The following ITGAM variants were observed in gnomAD, a reference collection of about 807,000 sequenced individuals.
ITGAM encodes the protein integrin subunit alpha M.
ITGAM carries 79 observed loss-of-function variants against 137.5 expected under a neutral mutation model. That is an observed-to-expected ratio of 0.57 (90% CI 0.48 to 0.69). The LOEUF (loss-of-function observed/expected upper bound fraction) is 0.69, where lower values mean the gene tolerates loss of function less well. ITGAM is among the 30% of genes least tolerant of loss of function. The pLI is 0.00. For missense variants in ITGAM, 1,343 were observed against 1,483.5 expected (o/e 0.91, Z 1.56); for synonymous variants, 583 against 592.3 (o/e 0.98, Z 0.23).
At chr16:31,261,667 G>A (rs1363909434) in intron 1 of ITGAM, 25 bp from the exon 2 acceptor site, 1 of 1,510,886 alleles carries the variant, frequency 6.6e-7, no homozygotes, top group Non-Finnish European at 9.1e-7. Context: ...TCCTCTGCTT[G>A]ATCCTTCCCC....
At chr16:31,286,126 C>T (rs1276790809) in intron 12 of ITGAM, among the ~76,000 whole-genome samples, 1 of 152,106 alleles carries the variant, frequency 6.6e-6, no homozygotes, top group Non-Finnish European at 1.5e-5. Context: ...TGTGCCAATT[C>T]ACTTAGGATT....
intron 14 of ITGAM, among the ~76,000 whole-genome samples, chr16:31,298,446 T>A (rs1256101205): frequency 6.6e-6 from 1 of 152,150 alleles, no homozygotes; most frequent in Non-Finnish European, 1.5e-5. Context: ...AGTTCCAGAT[T>A]GATTATTTCT....
At chr16:31,294,083 G>A (rs921099288) in intron 12 of ITGAM, among the ~76,000 whole-genome samples, 21 of 152,080 alleles carry the variant, frequency 1.4e-4, no homozygotes, top group African/African-American at 2.9e-4. Context: ...CATTGATTTC[G>A]TATCCTGAAA....
At chr16:31,323,188 T>C (rs1334310906) in intron 16 of ITGAM, among the ~76,000 whole-genome samples, 1 of 151,994 alleles carries the variant, frequency 6.6e-6, no homozygotes, top group Admixed American at 6.6e-5. Flanking sequence ...TCCCAGCACT[T>C]TGGGAGGCCG....
intron 14 of ITGAM, among the ~76,000 whole-genome samples, chr16:31,298,526 T>C (rs968427723): frequency 6.6e-6 from 1 of 152,254 alleles, no homozygotes; most frequent in Non-Finnish European, 1.5e-5. Context: ...GGCCCAGCGA[T>C]GGCAAATGGC....
At chr16:31,262,956 TA>T (rs2079721925) in intron 2 of ITGAM, among the ~76,000 whole-genome samples, 1 of 152,202 alleles carries the variant, frequency 6.6e-6, no homozygotes, top group Non-Finnish European at 1.5e-5. Flanking sequence ...TATTTTATTT[TA>T]TTTTTTTAGA....
chr16:31,331,263 C>G lies in ITGAM; in HGVS notation c.3375C>G (p.Ala1125=). ...GGLLLLALIT[A]ALYKLGFFKR... ...TGCTGCTCCTGGCCCTCATCACCGC[C>G]GCGCTGTACAAGGTGCTCCCCGCTG... The change falls in exon 29 of 30, where the codon GCC becomes GCG. Residue 1125 remains alanine, a synonymous_variant. Coordinates refer to ENST00000544665, the MANE Select transcript of ITGAM (RefSeq NM_000632.4). 2.5e-6 allele frequency: 4 copies of G among 1,609,084 alleles called. No homozygotes were observed. The highest frequency in any genetic ancestry group is 3.4e-6 in the Non-Finnish European group (4 of 1,176,472).
intron 12 of ITGAM, among the ~76,000 whole-genome samples, chr16:31,294,274 A>G (rs2080112430): frequency 6.6e-6 from 1 of 152,000 alleles, no homozygotes; most frequent in South Asian, 2.1e-4. Context: ...TTCCAATAAT[A>G]TGTTGAATAG....
intron 23 of ITGAM, chr16:31,328,859 G>T (rs2080542391): frequency 5.1e-5 from 19 of 372,150 alleles, no homozygotes; most frequent in South Asian, 3.1e-4. Context: ...TGTGTGTGAG[G>T]GTCTATGTGC....
At chr16:31,296,231 A>G (rs1015571903) in intron 12 of ITGAM, among the ~76,000 whole-genome samples, 2 of 149,164 alleles carry the variant, frequency 1.3e-5, no homozygotes, top group African/African-American at 4.9e-5. Flanking sequence ...CAGCCTCTTG[A>G]GTAGCTGGGA....
intron 12 of ITGAM, among the ~76,000 whole-genome samples, chr16:31,285,442 G>A (rs1213694365): frequency 6.6e-6 from 1 of 151,968 alleles, no homozygotes; most frequent in Non-Finnish European, 1.5e-5. Flanking sequence ...TGGCCGATAT[G>A]GTGAAACTCT....
At chr16:31,284,361 G>T (rs1036951697) in intron 12 of ITGAM, among the ~76,000 whole-genome samples, 3 of 152,188 alleles carry the variant, frequency 2.0e-5, no homozygotes, top group African/African-American at 4.8e-5. Flanking sequence ...TCCTTGAGCT[G>T]CAGTGGGCTC....
At chr16:31,328,287 T>G in intron 23 of ITGAM, 57 bp downstream of exon 23, 2 of 1,232,254 alleles carry the variant, frequency 1.6e-6, no homozygotes, top group Non-Finnish European at 2.4e-6. Flanking sequence ...CATGGCTGAT[T>G]GTGCATCTGT....
chr16:31,301,180 T>G (rs62051472), intron 14 of ITGAM, among the ~76,000 whole-genome samples: 22,359 of 152,170 alleles, frequency 0.15, 1,843 homozygotes, highest in African/African-American at 0.2. Flanking sequence ...GCTTCTCCCC[T>G]GAGTTTTATT....
chr16:31,327,069 C>G (rs2080515892), intron 22 of ITGAM, 134 bp downstream of exon 22: 3 of 756,502 alleles, frequency 4.0e-6, no homozygotes, highest in Non-Finnish European at 7.2e-6. Flanking sequence ...CACTCACTGA[C>G]CACCCACCAC....
At chr16:31,279,399 G>A (rs2079944091) in intron 12 of ITGAM, among the ~76,000 whole-genome samples, 1 of 152,184 alleles carries the variant, frequency 6.6e-6, no homozygotes, top group African/African-American at 2.4e-5. Flanking sequence ...TCCAGCACGT[G>A]TTGTTTCCTG....
Position 31,331,626 on chromosome 16 carries a change from T to C in ITGAM, c.3388-10T>C. 1 of 1,479,770 alleles carries C rather than the reference T, an allele frequency of 6.8e-7. No individual in the cohort carries two copies. Among genetic ancestry groups the C allele is most frequent in the Non-Finnish European group, 9.1e-7 (1 of 1,096,478 alleles). 91.7% of individuals were successfully genotyped at this position (1,479,770 alleles called of 1,614,324 possible). On this transcript the variant is annotated splice_polypyrimidine_tract_variant and intron_variant, in intron 29 of 29. Coordinates refer to ENST00000544665, the MANE Select transcript of ITGAM (RefSeq NM_000632.4). Reference sequence around the variant, plus strand: ...TGCTGTCGCTCTCACTGCCCTCCTCTGCCCCGCAGCTCGGCTTCTTCAAGC... The same window carrying C: ...TGCTGTCGCTCTCACTGCCCTCCTCCGCCCCGCAGCTCGGCTTCTTCAAGC...
At chr16:31,296,388 C>T (rs1326223075) in intron 12 of ITGAM, among the ~76,000 whole-genome samples, 1 of 151,956 alleles carries the variant, frequency 6.6e-6, no homozygotes, top group East Asian at 1.9e-4. Context: ...GCTGGGATTA[C>T]AGGCATGAGC....
At chr16:31,279,195 CAT>C (rs1364539395) in intron 12 of ITGAM, among the ~76,000 whole-genome samples, 1 of 152,200 alleles carries the variant, frequency 6.6e-6, no homozygotes, top group Non-Finnish European at 1.5e-5. Context: ...CCACAATAAA[CAT>C]ATGTGTGCGT....
Sources: allele counts gnomAD v4.1 joint callset (sites outside exome capture counted in the v4.1 genomes callset), GRCh38; gene constraint gnomAD v4.1.1; transcripts MANE v1.5; gene names NCBI Gene and HGNC (gene_info 2026-07-23, HGNC 2026-07-21).